The following PRR7 variants were observed in gnomAD, a reference collection of about 807,000 sequenced individuals.
The protein encoded by PRR7 is proline rich 7, synaptic.
Under a neutral mutation model 18.5 loss-of-function variants are expected in PRR7, and 8 were observed. The observed-to-expected ratio is 0.43, with a 90% CI of 0.25 to 0.78. The LOEUF is 0.78. Ranked by LOEUF, PRR7 falls within the 30% of genes least tolerant of loss-of-function variation. The pLI is 0.22. For missense variants in PRR7, 396 were observed against 403.1 expected (o/e 0.98, Z 0.15); for synonymous variants, 221 against 187.7 (o/e 1.18, Z -1.45).
In PRR7 at chr5:177,454,404, GCTGT is replaced by G. The variant is rs1195661621; in HGVS notation, c.-240+369_-240+372del. Among the ~76,000 whole-genome samples, 37 of 152,304 alleles carry G rather than the reference GCTGT, an allele frequency of 2.4e-4. No homozygotes were observed. The highest frequency in any genetic ancestry group is 2.4e-3 in the Admixed American group (36 of 15,304). On this transcript the variant is annotated intron_variant, in intron 2 of 3. Coordinates refer to ENST00000323249, the MANE Select transcript of PRR7 (RefSeq NM_030567.5). This position sits in a 1 kb window ranked among gnomAD's most constrained non-coding sequence, Gnocchi z 4.7. ...AGGCGTCTGTACAGGGCGTCGGGTG[GCTGT>G]CTGTGGGGCTCTAGGAGATGTACCA... is the stretch of plus-strand genomic sequence containing the variant.
At chr5:177,453,414 C>T (rs1017255198) in intron 1 of PRR7, among the ~76,000 whole-genome samples, 3 of 152,292 alleles carry the variant, frequency 2.0e-5, no homozygotes, top group South Asian at 2.1e-4. Flanking sequence ...GTCGAGGGGG[C>T]GGGCAGAGCT....
In PRR7 at chr5:177,455,441, C is replaced by A; in HGVS notation, c.374C>A (p.Pro125Gln). 1 of 1,505,970 alleles carries A rather than the reference C, an allele frequency of 6.6e-7. No homozygotes were observed. The highest frequency in any genetic ancestry group is 2.1e-5 in the Admixed American group (1 of 47,544). The allele number at this position is 1,505,970 out of a possible 1,614,324, so 93.3% of individuals were successfully genotyped here. A position where few individuals can be genotyped will look rare whatever the true frequency, so the allele number is the denominator to read the frequency against. The part of the protein sequence containing the change: ...PHPHHHALPH[P>Q]PPTHLSVPPR... ...CCGCACCACCACGCGCTCCCGCACC[C>A]GCCGCCTACGCACCTGTCGGTGCCG... The change falls in exon 3 of 4, where the codon CCG becomes CAG. Residue 125 changes from proline to glutamine, a missense_variant. By Grantham distance (76) the Pro-to-Gln change is moderately conservative. Around this residue, in one of 2 missense-constraint regions of PRR7, gnomAD observed 383 missense variants for 372.6 expected, o/e 1.03. Transcript: ENST00000323249. The surrounding 1 kb of genome is among the most constrained non-coding windows in gnomAD (Gnocchi z 6.9).
chr5:177,455,385 C>G lies in PRR7; in HGVS notation c.318C>G (p.Pro106=). The G allele has an allele frequency of 1.3e-6, 2 of 1,494,142 alleles. No individual in the cohort carries two copies. Among genetic ancestry groups the G allele is most frequent in the South Asian group, 1.2e-5 (1 of 80,054 alleles). 92.6% of individuals were successfully genotyped at this position (1,494,142 alleles called of 1,614,324 possible). The change falls in exon 3 of 4, where the codon CCC becomes CCG. Residue 106 remains proline, a synonymous_variant. Transcript: ENST00000323249. This position sits in a 1 kb window ranked among gnomAD's most constrained non-coding sequence, Gnocchi z 6.9. The part of the protein sequence containing the change: ...VHVHPLLHHG[P]AQPHAHAHPH... ...TGCACCCGCTGCTGCACCACGGGCC[C>G]GCGCAGCCGCACGCGCACGCGCACC...
In PRR7 at chr5:177,456,074, C is replaced by T. The variant is rs866647625; in HGVS notation, c.778C>T (p.Arg260Cys). 1.3e-6 allele frequency: 2 copies of T among 1,572,278 alleles called. No individual in the cohort carries two copies. The highest frequency in any genetic ancestry group is 8.6e-7 in the Non-Finnish European group (1 of 1,166,368). Reference protein sequence around the residue: ...SREPLEHGAWRLPVSIPLFGR... With the variant: ...SREPLEHGAWCLPVSIPLFGR... ...CGAGCCCCTGGAGCACGGAGCTTGG[C>T]GTCTGCCGGTCTCCATCCCCTTGTT... The change falls in exon 4 of 4, where the codon CGT becomes TGT. Residue 260 changes from arginine to cysteine, a missense_variant. By Grantham distance (180) the Arg-to-Cys change is radical (BLOSUM62 -3). Transcript: ENST00000323249.
At position 177,454,218 on chromosome 5, in the gene PRR7, C is replaced by T. The variant is rs1413090961; in HGVS notation, c.-240+178C>T. Among the ~76,000 whole-genome samples the T allele has an allele frequency of 6.6e-6, 1 of 152,192 alleles. No individual in the cohort carries two copies. Among genetic ancestry groups the T allele is most frequent in the East Asian group, 1.9e-4 (1 of 5,188 alleles). On this transcript the variant is annotated intron_variant, in intron 2 of 3. Transcript: ENST00000323249. This position sits in a 1 kb window ranked among gnomAD's most constrained non-coding sequence, Gnocchi z 4.7. ...CTGGAGGAAAGGAAGAGAGTGTGGC[C>T]CACGCCCGGCGCGGCGCGCTAGGCT...
At position 177,455,570 on chromosome 5, in the gene PRR7, C is replaced by T; in HGVS notation, c.427+76C>T. 2 of 1,419,644 alleles carry T rather than the reference C, an allele frequency of 1.4e-6. No homozygotes were observed. Among genetic ancestry groups the T allele is most frequent in the Non-Finnish European group, 1.8e-6 (2 of 1,094,428 alleles). The allele number at this position is 1,419,644 out of a possible 1,614,324, so 87.9% of individuals were successfully genotyped here. ...GGCGTTGGAGGGCTCGCTGCTTACC[C>T]TCAGGGCTTCCATCCGCAGCCTCCG... On this transcript the variant is annotated intron_variant, in intron 3 of 3. Coordinates refer to ENST00000323249, the MANE Select transcript of PRR7 (RefSeq NM_030567.5). The surrounding 1 kb of genome is among the most constrained non-coding windows in gnomAD (Gnocchi z 6.9).
At chr5:177,453,775 G>A (rs1224756396) in intron 1 of PRR7, among the ~76,000 whole-genome samples, 181 bp from the exon 2 acceptor site, 2 of 152,226 alleles carry the variant, frequency 1.3e-5, no homozygotes, top group Non-Finnish European at 2.9e-5. Flanking sequence ...TACACAGCCA[G>A]TTGTTCCCCC....
In PRR7 at chr5:177,450,410, C is replaced by T. The variant is rs1306468286; in HGVS notation, c.-325+3450C>T. Among the ~76,000 whole-genome samples the T allele has an allele frequency of 6.6e-6, 1 of 152,170 alleles. No individual in the cohort carries two copies. The highest frequency in any genetic ancestry group is 1.5e-5 in the Non-Finnish European group (1 of 68,038). On this transcript the variant is annotated intron_variant, in intron 1 of 3. Coordinates refer to ENST00000323249, the MANE Select transcript of PRR7 (RefSeq NM_030567.5). The surrounding 1 kb of genome is among the most constrained non-coding windows in gnomAD (Gnocchi z 6.6). Reference sequence around the variant, plus strand: ...CTTGCTTATGAACTGCCCTGCCAGGCGGGGGCTGGGTGATGGCTCTTCTCT... The same window carrying T: ...CTTGCTTATGAACTGCCCTGCCAGGTGGGGGCTGGGTGATGGCTCTTCTCT...
chr5:177,447,835 A>G (rs1023453160), intron 1 of PRR7: 2 of 152,262 alleles, frequency 1.3e-5, no homozygotes, highest in African/African-American at 4.8e-5. Flanking sequence ...CCCAGGCCAA[A>G]TGGGAGCGAC....
Position 177,455,928 on chromosome 5 carries a change from C to A in PRR7, c.632C>A (p.Thr211Asn). 4 of 1,605,226 alleles carry A rather than the reference C, an allele frequency of 2.5e-6. No individual in the cohort carries two copies. Among genetic ancestry groups the A allele is most frequent in the Non-Finnish European group, 3.4e-6 (4 of 1,178,188 alleles). ...YKPLFLDRGY[T>N]SALHLPSAPR... ...CCGCTCTTCCTGGACCGGGGCTACA[C>A]CTCGGCGCTGCACCTGCCCAGCGCC... is the stretch of plus-strand genomic sequence containing the variant. The change falls in exon 4 of 4, where the codon ACC (threonine) becomes AAC (asparagine). Residue 211 changes from threonine to asparagine, a missense_variant. Thr to Asn is a moderately conservative substitution (Grantham distance 65). Coordinates refer to ENST00000323249, the MANE Select transcript of PRR7 (RefSeq NM_030567.5). This position sits in a 1 kb window ranked among gnomAD's most constrained non-coding sequence, Gnocchi z 6.9.
upstream of PRR7, chr5:177,446,238 G>C (rs1755872420): frequency 6.6e-6 from 1 of 152,308 alleles, no homozygotes; most frequent in Admixed American, 6.5e-5. The surrounding 1 kb of genome is among the most constrained non-coding windows in gnomAD (Gnocchi z 5.3). Context: ...TCCCTGCTGG[G>C]GTAGGGGGGA....
chr5:177,451,072 C>A (rs1396432731), intron 1 of PRR7, among the ~76,000 whole-genome samples: 2 of 152,168 alleles, frequency 1.3e-5, no homozygotes, highest in Non-Finnish European at 2.9e-5. Context: ...GGCAGGAGGA[C>A]CAAAGGAAGT....
chr5:177,453,108 T>A (rs1376479934), intron 1 of PRR7, among the ~76,000 whole-genome samples: 1 of 152,174 alleles, frequency 6.6e-6, no homozygotes, highest in Non-Finnish European at 1.5e-5. Context: ...TATCTCCCTG[T>A]CTATCAAATG....
At position 177,455,919 on chromosome 5, in the gene PRR7, G is replaced by C. The variant is rs1756412446; in HGVS notation, c.623G>C (p.Arg208Pro). Residue 208 changes from arginine to proline, a missense_variant, in exon 4 of 4, where the codon CGG becomes CCG. Transcript: ENST00000323249. The surrounding 1 kb of genome is among the most constrained non-coding windows in gnomAD (Gnocchi z 6.9). ...AGCTACAAGCCGCTCTTCCTGGACC[G>C]GGGCTACACCTCGGCGCTGCACCTG... The part of the protein sequence containing the change: ...PPSYKPLFLD[R>P]GYTSALHLPS... The C allele has an allele frequency of 1.2e-6, 2 of 1,607,378 alleles. No individual in the cohort carries two copies. Among genetic ancestry groups the C allele is most frequent in the Non-Finnish European group, 1.7e-6 (2 of 1,178,854 alleles).
chr5:177,452,793 A>G (rs533591274), intron 1 of PRR7, among the ~76,000 whole-genome samples: 1 of 152,328 alleles, frequency 6.6e-6, no homozygotes. Flanking sequence ...GGGCGCCCTC[A>G]GGGCACAGAG....
Position 177,454,055 on chromosome 5 carries a change from C to A in PRR7, c.-240+15C>A, listed in dbSNP as rs1756277114. On this transcript the variant is annotated intron_variant, in intron 2 of 3. Transcript: ENST00000323249. The surrounding 1 kb of genome is among the most constrained non-coding windows in gnomAD (Gnocchi z 4.7). Reference sequence around the variant, plus strand: ...TGCAGGACCAGGTGGGTACGAAAGACTAGCTTCCAACCCTCATCTAGTTTT... The same window carrying A: ...TGCAGGACCAGGTGGGTACGAAAGAATAGCTTCCAACCCTCATCTAGTTTT... 6.6e-6 allele frequency: 1 copy of A among 152,338 alleles called. No individual in the cohort carries two copies. The highest frequency in any genetic ancestry group is 1.5e-5 in the Non-Finnish European group (1 of 68,120). The allele number at this position is 152,338 out of a possible 1,614,324, so 9.4% of individuals were successfully genotyped here.
Position 177,455,426 on chromosome 5 carries a change from A to G in PRR7, c.359A>G (p.His120Arg). 6.6e-7 allele frequency: 1 copy of G among 1,504,946 alleles called. No individual in the cohort carries two copies. The highest frequency in any genetic ancestry group is 8.8e-7 in the Non-Finnish European group (1 of 1,134,476). The allele number at this position is 1,504,946 out of a possible 1,614,324, so 93.2% of individuals were successfully genotyped here. A position where few individuals can be genotyped will look rare whatever the true frequency, so the allele number is the denominator to read the frequency against. ...CACGCGCACCCACACCCGCACCACCACGCGCTCCCGCACCCGCCGCCTACG... is the reference window on the plus strand; with the variant it reads ...CACGCGCACCCACACCCGCACCACCGCGCGCTCCCGCACCCGCCGCCTACG... ...HAHAHPHPHH[H>R]ALPHPPPTHL... Residue 120 changes from histidine to arginine, a missense_variant, in exon 3 of 4, where the codon CAC becomes CGC. His to Arg is a conservative substitution (Grantham distance 29). Coordinates refer to ENST00000323249, the MANE Select transcript of PRR7 (RefSeq NM_030567.5). This position sits in a 1 kb window ranked among gnomAD's most constrained non-coding sequence, Gnocchi z 6.9.
rs942869539 is a variant in PRR7 at position 177,449,270 on chromosome 5, G to A, written c.-325+2310G>A. On this transcript the variant is annotated intron_variant, in intron 1 of 3. Coordinates refer to ENST00000323249, the MANE Select transcript of PRR7 (RefSeq NM_030567.5). The surrounding 1 kb of genome is among the most constrained non-coding windows in gnomAD (Gnocchi z 4.2). ...AAGGGACCGCAGGTTTTGCTGGGCC[G>A]CCTCCAGGCTGTGTACACTGTGACA... Among the ~76,000 whole-genome samples, 26 of 152,342 alleles carry A rather than the reference G, an allele frequency of 1.7e-4. No homozygotes were observed. Among genetic ancestry groups the A allele is most frequent in the East Asian group, 5.8e-4 (3 of 5,188 alleles).
rs1449893620 is a variant in PRR7 at position 177,454,682 on chromosome 5, C to T, written c.-239-147C>T. On this transcript the variant is annotated intron_variant, in intron 2 of 3. Coordinates refer to ENST00000323249, the MANE Select transcript of PRR7 (RefSeq NM_030567.5). The surrounding 1 kb of genome is among the most constrained non-coding windows in gnomAD (Gnocchi z 4.7). ...GGGGAAACCTCGAGGCGTGACGTCACCCTCCTCGGTGACGTCACCGGGCCC... is the reference window on the plus strand; with the variant it reads ...GGGGAAACCTCGAGGCGTGACGTCATCCTCCTCGGTGACGTCACCGGGCCC... 1 of 152,408 alleles carries T rather than the reference C, an allele frequency of 6.6e-6. No individual in the cohort carries two copies. Among genetic ancestry groups the T allele is most frequent in the Non-Finnish European group, 1.5e-5 (1 of 68,284 alleles). 9.4% of individuals were successfully genotyped at this position (152,408 alleles called of 1,614,324 possible). A position where few individuals can be genotyped will look rare whatever the true frequency, so the allele number is the denominator to read the frequency against.
Sources: gnomAD v4.1 joint callset for allele counts (sites outside exome capture counted in the v4.1 genomes callset) on GRCh38, gnomAD v4.1.1 for gene constraint, gnomAD v4.1.1 regional missense constraint, Gnocchi (gnomAD v3.1) non-coding constraint, MANE v1.5 for transcripts, NCBI Gene and HGNC (gene_info 2026-07-23, HGNC 2026-07-21) for gene names.